FFAR4: variants seen among roughly 807,000 people sequenced by gnomAD.
FFAR4 encodes the protein G-protein coupled receptor 120.
FFAR4 carries 19 observed loss-of-function variants against 27.0 expected under a neutral mutation model. The ratio of observed to expected loss-of-function variants is 0.70; its 90% CI spans 0.49 to 1.03. The LOEUF is 1.03. Ranked by LOEUF, FFAR4 falls within the 50% of genes least tolerant of loss-of-function variation. FFAR4 has a pLI of 0.00. For missense variants in FFAR4, 476 were observed against 479.0 expected (o/e 0.99, Z 0.06); for synonymous variants, 254 against 215.6 (o/e 1.18, Z -1.56).
In FFAR4 at chr10:93,566,677, G is replaced by A. The variant is rs990007097; in HGVS notation, c.-44G>A. On this transcript the variant is annotated 5_prime_UTR_variant, in exon 1 of 3. Coordinates refer to ENST00000371481, the MANE Select transcript of FFAR4 (RefSeq NM_001195755.2). ...CGCCTTGGCACTCAGTCGCCTCCCA[G>A]ATGAGCACTCTCTCAGACCGCTGCG... 7 of 1,223,172 alleles carry A rather than the reference G, an allele frequency of 5.7e-6. No homozygotes were observed. Among genetic ancestry groups the A allele is most frequent in the Non-Finnish European group, 7.9e-6 (7 of 885,166 alleles). The allele number at this position is 1,223,172 out of a possible 1,614,324, so 75.8% of individuals were successfully genotyped here.
intron 1 of FFAR4, among the ~76,000 whole-genome samples, chr10:93,572,314 G>C (rs548608359): frequency 1.3e-5 from 2 of 152,318 alleles, no homozygotes; most frequent in East Asian, 3.9e-4. Flanking sequence ...ACCAGGCAAG[G>C]GGATGGAGAC....
chr10:93,587,647 T>A lies in FFAR4; in HGVS notation c.*38T>A, dbSNP rs1444404691. On this transcript the variant is annotated 3_prime_UTR_variant, in exon 3 of 3. Coordinates refer to ENST00000371481, the MANE Select transcript of FFAR4 (RefSeq NM_001195755.2). ...GCCGAGTTTCTCACACCTGGCGAGC[T>A]GTGGCATGCTTTTAAACAGAGTTCA... is the stretch of plus-strand genomic sequence containing the variant. The A allele has an allele frequency of 1.3e-6, 2 of 1,583,084 alleles. No homozygotes were observed. Among genetic ancestry groups the A allele is most frequent in the Admixed American group, 3.4e-5 (2 of 58,664 alleles).
At chr10:93,567,823 G>A (rs2058107778) in intron 1 of FFAR4, among the ~76,000 whole-genome samples, 2 of 152,146 alleles carry the variant, frequency 1.3e-5, no homozygotes, top group South Asian at 2.1e-4. Flanking sequence ...TTGAAAGCGC[G>A]CGGACAGGCA....
rs1019207210 is a variant in FFAR4 at position 93,584,992 on chromosome 10, G to A, written c.697-2228G>A. 2.6e-5 allele frequency among the ~76,000 whole-genome samples: 4 copies of A among 152,332 alleles called. 1 individual carries two copies. The South Asian group carries it at 8.3e-4, about 32-fold the overall frequency. Reference sequence around the variant, plus strand: ...CAAAGCGCTGAGATTCCAGGCATGAGCCACTGCGCCCAGCCTAGTTACAAG... The same window carrying A: ...CAAAGCGCTGAGATTCCAGGCATGAACCACTGCGCCCAGCCTAGTTACAAG... On this transcript the variant is annotated intron_variant, in intron 2 of 2. Transcript: ENST00000371481.
intron 2 of FFAR4, among the ~76,000 whole-genome samples, chr10:93,576,838 C>A (rs1254540916): frequency 6.6e-6 from 1 of 152,098 alleles, no homozygotes; most frequent in Non-Finnish European, 1.5e-5. Flanking sequence ...GCAAACACTG[C>A]AGTACTGGAG....
intron 1 of FFAR4, among the ~76,000 whole-genome samples, chr10:93,571,558 G>T (rs1055520261): frequency 6.6e-6 from 1 of 152,142 alleles, no homozygotes; most frequent in Non-Finnish European, 1.5e-5. Flanking sequence ...CTCCCTTGCG[G>T]CACTTGATCC....
intron 1 of FFAR4, among the ~76,000 whole-genome samples, chr10:93,567,546 A>G (rs1231889163): frequency 1.3e-5 from 2 of 152,210 alleles, no homozygotes; most frequent in African/African-American, 4.8e-5. Context: ...GAGGTTAATT[A>G]ACGAGTAGTT....
intron 2 of FFAR4, among the ~76,000 whole-genome samples, chr10:93,582,336 G>A (rs957822568): frequency 6.6e-6 from 1 of 151,944 alleles, no homozygotes; most frequent in African/African-American, 2.4e-5. Context: ...CCTGAGGTCG[G>A]GAGGTCAAGA....
intron 2 of FFAR4, among the ~76,000 whole-genome samples, chr10:93,584,263 G>T (rs1237376128): frequency 2.0e-5 from 3 of 152,188 alleles, no homozygotes; most frequent in African/African-American, 7.2e-5. Flanking sequence ...CCTTCACCCT[G>T]CAGAGCCATT....
rs528340464 is a variant in FFAR4, at chr10:93,568,214, T to C, written c.567+927T>C. ...GCCGGGATCCACACGGAAGAGGGAA[T>C]CTAGACGCGGAGTCACGGTGGAGGA... is the stretch of plus-strand genomic sequence containing the variant. On this transcript the variant is annotated intron_variant, in intron 1 of 2. Transcript: ENST00000371481. Among the ~76,000 whole-genome samples, 24 of 152,234 alleles carry C rather than the reference T, an allele frequency of 1.6e-4. 1 individual carries two copies. In the South Asian group the frequency reaches 5.0e-3, roughly 32 times the overall value.
At chr10:93,569,087 A>G (rs1051519712) in intron 1 of FFAR4, among the ~76,000 whole-genome samples, 1 of 152,196 alleles carries the variant, frequency 6.6e-6, no homozygotes, top group Non-Finnish European at 1.5e-5. Context: ...GGCTTCTGCC[A>G]TCAGTTTCTT....
chr10:93,588,937 G>A lies in FFAR4; in HGVS notation c.*1328G>A, dbSNP rs1195121067. The A allele has an allele frequency of 6.6e-6, 1 of 152,272 alleles. No individual in the cohort carries two copies. The highest frequency in any genetic ancestry group is 2.4e-5 in the African/African-American group (1 of 41,478). 9.4% of individuals were successfully genotyped at this position (152,272 alleles called of 1,614,324 possible). Reference sequence around the variant, plus strand: ...GGGCTATGGTAGTGATGGGAATTTAGATCAGATGGGGAGGGGCCTAAGGAG... The same window carrying A: ...GGGCTATGGTAGTGATGGGAATTTAAATCAGATGGGGAGGGGCCTAAGGAG... On this transcript the variant is annotated 3_prime_UTR_variant, in exon 3 of 3. Transcript: ENST00000371481.
intron 1 of FFAR4, among the ~76,000 whole-genome samples, chr10:93,572,907 CTG>C (rs1308998828): frequency 1.3e-5 from 2 of 152,204 alleles, no homozygotes; most frequent in African/African-American, 4.8e-5. Flanking sequence ...GAAGTGGAGA[CTG>C]GGATGAGGCA....
At chr10:93,580,872 T>C (rs138001744) in intron 2 of FFAR4, among the ~76,000 whole-genome samples, 1 of 152,330 alleles carries the variant, frequency 6.6e-6, no homozygotes, top group East Asian at 1.9e-4. Context: ...AAACATGCCA[T>C]ACATCTTCAA....
At chr10:93,572,595 A>T (rs1379186464) in intron 1 of FFAR4, among the ~76,000 whole-genome samples, 3 of 152,182 alleles carry the variant, frequency 2.0e-5, no homozygotes. Context: ...GTCAATGGCT[A>T]TGAAGGAGGA....
chr10:93,581,668 C>G (rs2058198085), intron 2 of FFAR4, among the ~76,000 whole-genome samples: 1 of 152,182 alleles, frequency 6.6e-6, no homozygotes, highest in Non-Finnish European at 1.5e-5. Context: ...AGTCTGTTGT[C>G]CTAGATGAGC....
Position 93,567,282 on chromosome 10 carries a change from G to C in FFAR4, c.562G>C (p.Asp188His), listed in dbSNP as rs900735889. The stretch of plus-strand genomic sequence containing the variant: ...CGTCCCGCAACGGCTCCCCGGCGCC[G>C]ACCAGGTGAGCGCCCCTCTGTGTGT... ...RVVPQRLPGA[D>H]QEISICTLIW... is the part of the protein sequence containing the mutation. The change falls in exon 1 of 3, where the codon GAC becomes CAC. Residue 188 changes from aspartate to histidine, a missense_variant. Coordinates refer to ENST00000371481, the MANE Select transcript of FFAR4 (RefSeq NM_001195755.2). 6.3e-7 allele frequency: 1 copy of C among 1,598,178 alleles called. No homozygotes were observed. The highest frequency in any genetic ancestry group is 1.1e-5 in the South Asian group (1 of 90,826).
At chr10:93,576,476 T>C (rs1469749636) in intron 2 of FFAR4, among the ~76,000 whole-genome samples, 1 of 152,244 alleles carries the variant, frequency 6.6e-6, no homozygotes, top group Non-Finnish European at 1.5e-5. Flanking sequence ...GACACATAAA[T>C]GTAAATAACA....
intron 1 of FFAR4, among the ~76,000 whole-genome samples, chr10:93,573,446 CTCTACATG>C (rs2058143489): frequency 6.6e-6 from 1 of 152,174 alleles, no homozygotes; most frequent in Admixed American, 6.5e-5. Context: ...TGCCTAACTC[CTCTACATG>C]TCACAGCCTG....
Sources: allele counts gnomAD v4.1 joint callset (sites outside exome capture counted in the v4.1 genomes callset), GRCh38; gene constraint gnomAD v4.1.1; transcripts MANE v1.5; gene names NCBI Gene and HGNC (gene_info 2026-07-23, HGNC 2026-07-21).